Variants in SARAF observed in about 807,000 individuals in gnomAD.
SARAF encodes the protein store-operated calcium entry-associated regulatory factor.
In SARAF, 23 loss-of-function variants were observed where a neutral mutation model predicts 39.7. The ratio of observed to expected loss-of-function variants is 0.58; its 90% CI spans 0.42 to 0.82. SARAF has a LOEUF of 0.82. Ranked by LOEUF, SARAF falls within the 40% of genes least tolerant of loss-of-function variation. SARAF has a pLI of 0.00. For missense variants in SARAF, 384 were observed against 418.5 expected (o/e 0.92, Z 0.72); for synonymous variants, 175 against 168.5 (o/e 1.04, Z -0.30).
rs755489043 is a variant in SARAF, at chr8:30,066,007, C to T, written c.975G>A (p.Thr325=). Residue 325 remains threonine (T), a synonymous_variant, in exon 5 of 6, where the codon ACG becomes ACA. Transcript: ENST00000256255. ...GSYSVCSNSD[T]KTRTASGYGG... ...TCTTACCTGATGCAGTTCTGGTTTT[C>T]GTGTCTGAGTTTGAACATACCGAAT... is the stretch of plus-strand genomic sequence containing the variant. 23 of 1,614,088 alleles carry T rather than the reference C, an allele frequency of 1.4e-5. No individual in the cohort carries two copies. The highest frequency in any genetic ancestry group is 1.0e-4 in the Admixed American group (6 of 60,010).
At position 30,083,040 on chromosome 8, in the gene SARAF, T is replaced by C. The variant is rs2117450289; in HGVS notation, c.-91A>G. On this transcript the variant is annotated 5_prime_UTR_variant, in exon 1 of 6. Coordinates refer to ENST00000256255, the MANE Select transcript of SARAF (RefSeq NM_016127.6). ...GCGCGACGCTGCGCAGCTACACCGCTACCCCTGGCGGCGGCGAAGGAACGG... is the reference window on the plus strand; with the variant it reads ...GCGCGACGCTGCGCAGCTACACCGCCACCCCTGGCGGCGGCGAAGGAACGG... The C allele has an allele frequency of 1.0e-6, 1 of 957,682 alleles. No individual in the cohort carries two copies. Among genetic ancestry groups the C allele is most frequent in the Non-Finnish European group, 1.5e-6 (1 of 667,158 alleles). The allele number at this position is 957,682 out of a possible 1,614,324, so 59.3% of individuals were successfully genotyped here. A position where few individuals can be genotyped will look rare whatever the true frequency, so the allele number is the denominator to read the frequency against.
In SARAF at chr8:30,082,981, G is replaced by C; in HGVS notation, c.-32C>G. The C allele has an allele frequency of 6.6e-7, 1 of 1,512,576 alleles. No individual in the cohort carries two copies. Among genetic ancestry groups the C allele is most frequent in the Non-Finnish European group, 8.9e-7 (1 of 1,121,590 alleles). The allele number at this position is 1,512,576 out of a possible 1,614,324, so 93.7% of individuals were successfully genotyped here. On this transcript the variant is annotated 5_prime_UTR_variant, in exon 1 of 6. Transcript: ENST00000256255. ...CGATGAAGATGGCGCCGGGCTGCCA[G>C]ACGCCTACGGGCCGAACCTGGGTGC...
chr8:30,074,372 G>A (rs1317758209), intron 1 of SARAF, among the ~76,000 whole-genome samples: 1 of 152,078 alleles, frequency 6.6e-6, no homozygotes, highest in African/African-American at 2.4e-5. Context: ...TAATAATAGT[G>A]GTTAATTAAA....
At position 30,082,859 on chromosome 8, in the gene SARAF, A is replaced by G. The variant is rs1449296262; in HGVS notation, c.91T>C (p.Trp31Arg). Residue 31 changes from tryptophan (W) to arginine (R), a missense_variant, in exon 1 of 6, where the codon TGG (tryptophan) becomes CGG (arginine). Transcript: ENST00000256255. The part of the protein sequence containing the change: ...FLLTAGPALG[W>R]NDPDRMLLRD... ...TGGCAGCACTCACCAGGGTCGTTCC[A>G]GCCCAGGGCAGGGCCCGCGGTCAGC... 2 of 1,551,412 alleles carry G rather than the reference A, an allele frequency of 1.3e-6. No individual in the cohort carries two copies. The highest frequency in any genetic ancestry group is 1.7e-6 in the Non-Finnish European group (2 of 1,150,246).
intron 2 of SARAF, 143 bp downstream of exon 2, chr8:30,073,733 AG>A (rs1801895835): frequency 3.2e-6 from 2 of 618,130 alleles, no homozygotes; most frequent in Non-Finnish European, 5.4e-6. Flanking sequence ...TTTCTTCCAC[AG>A]GAAGAGTGAT....
chr8:30,077,011 C>T (rs1202913135), intron 1 of SARAF, among the ~76,000 whole-genome samples: 9 of 152,062 alleles, frequency 5.9e-5, no homozygotes, highest in East Asian at 5.8e-4. Flanking sequence ...AAAGAGATGA[C>T]GCACAAGAAG....
chr8:30,066,198 C>T, intron 4 of SARAF, 59 bp from the exon 5 acceptor site: 1 of 1,529,166 alleles, frequency 6.5e-7, no homozygotes, highest in Non-Finnish European at 8.9e-7. Flanking sequence ...TTTTTAAATA[C>T]CTTCCTGTTC....
chr8:30,068,377 G>A (rs1801740835), intron 3 of SARAF, among the ~76,000 whole-genome samples: 1 of 152,176 alleles, frequency 6.6e-6, no homozygotes, highest in Non-Finnish European at 1.5e-5. Flanking sequence ...CTGATGATCT[G>A]TCACTGTGTC....
chr8:30,080,125 T>C (rs994504963), intron 1 of SARAF, among the ~76,000 whole-genome samples: 1 of 152,232 alleles, frequency 6.6e-6, no homozygotes, highest in Admixed American at 6.5e-5. Context: ...CTTCAGAAGA[T>C]CATGTTAGCT....
At chr8:30,075,473 CT>C (rs1801936963) in intron 1 of SARAF, among the ~76,000 whole-genome samples, 1 of 152,170 alleles carries the variant, frequency 6.6e-6, no homozygotes, top group South Asian at 2.1e-4. Context: ...CCCAAAACCT[CT>C]TGCAGCTATA....
chr8:30,066,739 G>T, intron 4 of SARAF, 38 bp downstream of exon 4: 1 of 1,561,758 alleles, frequency 6.4e-7, no homozygotes, highest in South Asian at 1.1e-5. Flanking sequence ...CAAGCCTCTT[G>T]AATTAAAGAG....
rs56856791 is a variant in SARAF at position 30,066,991 on chromosome 8, A to G, written c.701-73T>C. 72 of 1,408,724 alleles carry G rather than the reference A, an allele frequency of 5.1e-5. No individual in the cohort carries two copies. In the African/African-American group the frequency reaches 9.2e-4, roughly 18 times the overall value. The allele number at this position is 1,408,724 out of a possible 1,614,324, so 87.3% of individuals were successfully genotyped here. On this transcript the variant is annotated intron_variant, in intron 3 of 5. Transcript: ENST00000256255. ...TCTACAAAAGCAAAGATAATGTAAC[A>G]TTTCAATTATTTCATCTGTACTGAA...
rs147521648 is a variant in SARAF at position 30,080,007 on chromosome 8, T to C, written c.103+2840A>G. Among the ~76,000 whole-genome samples the C allele has an allele frequency of 5.6e-3, 848 of 152,280 alleles. 4 individuals are homozygous for C. The highest frequency in any genetic ancestry group is 0.017 in the Middle Eastern group (5 of 294). ...AACCAAACTCCCCTAAACCTGATCA[T>C]CCCACATTCTTCCACATCTCAGGAA... On this transcript the variant is annotated intron_variant, in intron 1 of 5. Coordinates refer to ENST00000256255, the MANE Select transcript of SARAF (RefSeq NM_016127.6).
rs1297802407 is a variant in SARAF at position 30,082,832 on chromosome 8, C to A, written c.103+15G>T. The A allele has an allele frequency of 9.9e-6, 15 of 1,512,994 alleles. No homozygotes were observed. The African/African-American group carries it at 2.0e-4, about 20-fold the overall frequency. The allele number at this position is 1,512,994 out of a possible 1,614,324, so 93.7% of individuals were successfully genotyped here. ...AAGGGCGAACGAAGCGCCTGAGGGCCCTGGCAGCACTCACCAGGGTCGTTC... is the reference window on the plus strand; with the variant it reads ...AAGGGCGAACGAAGCGCCTGAGGGCACTGGCAGCACTCACCAGGGTCGTTC... On this transcript the variant is annotated intron_variant, in intron 1 of 5. Transcript: ENST00000256255.
chr8:30,070,132 G>A lies in SARAF; in HGVS notation c.283-73C>T, dbSNP rs1378168679. The A allele has an allele frequency of 4.9e-5, 66 of 1,343,052 alleles. No individual in the cohort carries two copies. In the East Asian group the frequency reaches 7.6e-4, roughly 15 times the overall value. 83.2% of individuals were successfully genotyped at this position (1,343,052 alleles called of 1,614,324 possible). A position where few individuals can be genotyped will look rare whatever the true frequency, so the allele number is the denominator to read the frequency against. On this transcript the variant is annotated intron_variant, in intron 2 of 5. Transcript: ENST00000256255. ...ATTTAATATATGTTACTTGGGGGCCGGGCGCAGTGGCTCACACCTGTAATC... is the reference window on the plus strand; with the variant it reads ...ATTTAATATATGTTACTTGGGGGCCAGGCGCAGTGGCTCACACCTGTAATC...
At chr8:30,067,920 T>C (rs1024355796) in intron 3 of SARAF, among the ~76,000 whole-genome samples, 13 of 152,188 alleles carry the variant, frequency 8.5e-5, no homozygotes, top group African/African-American at 3.1e-4. Flanking sequence ...GTTTTACCAT[T>C]TAAACTCCTA....
Position 30,083,062 on chromosome 8 carries a change from A to G in SARAF, c.-113T>C, listed in dbSNP as rs1802149607. On this transcript the variant is annotated 5_prime_UTR_variant, in exon 1 of 6. Coordinates refer to ENST00000256255, the MANE Select transcript of SARAF (RefSeq NM_016127.6). ...CGCTACCCCTGGCGGCGGCGAAGGA[A>G]CGGCCCGACTGCAGAGCTGCAGCCG... 1.4e-6 allele frequency: 1 copy of G among 737,174 alleles called. No individual in the cohort carries two copies. Among genetic ancestry groups the G allele is most frequent in the South Asian group, 2.0e-5 (1 of 50,162 alleles). 45.7% of individuals were successfully genotyped at this position (737,174 alleles called of 1,614,324 possible).
Position 30,073,701 on chromosome 8 carries a change from A to C in SARAF, c.282+176T>G. ...ATGAGTATTTTCAGGCTTTAAAATC[A>C]GTTCATTTCTTTTGGAGGCCATTTC... On this transcript the variant is annotated intron_variant, in intron 2 of 5. Coordinates refer to ENST00000256255, the MANE Select transcript of SARAF (RefSeq NM_016127.6). The C allele has an allele frequency of 7.9e-6, 4 of 509,500 alleles. No individual in the cohort carries two copies. In the South Asian group the frequency reaches 1.5e-4, roughly 19 times the overall value. 31.6% of individuals were successfully genotyped at this position (509,500 alleles called of 1,614,324 possible).
At chr8:30,079,480 T>C (rs1802051938) in intron 1 of SARAF, among the ~76,000 whole-genome samples, 1 of 152,174 alleles carries the variant, frequency 6.6e-6, no homozygotes, top group Non-Finnish European at 1.5e-5. Context: ...TACCTCCTCA[T>C]ACATAAAAAA....
Sources: allele counts gnomAD v4.1 joint callset (sites outside exome capture counted in the v4.1 genomes callset), GRCh38; gene constraint gnomAD v4.1.1; transcripts MANE v1.5; gene names NCBI Gene and HGNC (gene_info 2026-07-23, HGNC 2026-07-21).